TWIST2: variants seen among roughly 807,000 people sequenced by gnomAD.
The protein encoded by TWIST2 is twist family bHLH transcription factor 2, also known as twist-related protein 2.
TWIST2 carries 1 observed loss-of-function variant against 11.6 expected under a neutral mutation model. That is an observed-to-expected ratio of 0.09 (90% confidence interval 0.03 to 0.41). The LOEUF (loss-of-function observed/expected upper bound fraction) is 0.41. Among genes scored for constraint, TWIST2 ranks in the 10% least tolerant of loss-of-function variants. TWIST2 has a pLI of 0.98. For synonymous variants in TWIST2, 87 were observed against 96.6 expected, an observed-to-expected ratio of 0.90 and a Z score of 0.58; for missense variants, 168 against 226.4, an observed-to-expected ratio of 0.74 and a Z score of 1.66.
intron 1 of TWIST2, among the ~76,000 whole-genome samples, chr2:238,903,566 T>C (rs1693307377): frequency 7.5e-6 from 1 of 133,878 alleles, no homozygotes; most frequent in African/African-American, 3.0e-5. Flanking sequence ...TGTGATGTAG[T>C]GTGTGTGATG....
chr2:238,884,528 C>T (rs539136504), intron 1 of TWIST2, among the ~76,000 whole-genome samples: 1 of 152,224 alleles, frequency 6.6e-6, no homozygotes, highest in South Asian at 2.1e-4. Context: ...TAGGCATGGT[C>T]TGATTCACGG....
chr2:238,902,041 G>A (rs1390668286), intron 1 of TWIST2, among the ~76,000 whole-genome samples: 1 of 152,172 alleles, frequency 6.6e-6, no homozygotes, highest in Non-Finnish European at 1.5e-5. Context: ...TCAGGGTAAT[G>A]AATGTCCTGG....
intron 1 of TWIST2, among the ~76,000 whole-genome samples, chr2:238,905,805 G>A (rs1284048444): frequency 3.9e-5 from 6 of 152,112 alleles, no homozygotes; most frequent in Admixed American, 3.9e-4. Context: ...CTTAAAAAAG[G>A]CTTAAATATT....
intron 1 of TWIST2, among the ~76,000 whole-genome samples, chr2:238,891,913 A>G (rs1693141199): frequency 6.6e-6 from 1 of 152,152 alleles, no homozygotes; most frequent in African/African-American, 2.4e-5. Flanking sequence ...AGATTGGGCT[A>G]TGTAGGACAA....
intron 1 of TWIST2, among the ~76,000 whole-genome samples, chr2:238,857,796 G>A (rs565268859): frequency 6.6e-6 from 1 of 152,012 alleles, no homozygotes; most frequent in South Asian, 2.1e-4. Flanking sequence ...AATTAGCCAC[G>A]TGTGGTGGCA....
intron 1 of TWIST2, among the ~76,000 whole-genome samples, chr2:238,870,004 A>C (rs902440389): frequency 1.3e-5 from 2 of 151,824 alleles, no homozygotes; most frequent in East Asian, 3.9e-4. Flanking sequence ...ATCATTGGGC[A>C]CTGCTGGTGG....
At chr2:238,896,885 A>G (rs1693213657) in intron 1 of TWIST2, among the ~76,000 whole-genome samples, 1 of 152,192 alleles carries the variant, frequency 6.6e-6, no homozygotes, top group Non-Finnish European at 1.5e-5. Context: ...GAGCCCACAG[A>G]CAGAGACAAG....
chr2:238,865,361 A>C (rs1046568222), intron 1 of TWIST2, among the ~76,000 whole-genome samples: 3 of 152,196 alleles, frequency 2.0e-5, no homozygotes, highest in Non-Finnish European at 4.4e-5. Flanking sequence ...GGACCTCCCC[A>C]TGCAGCAGGG....
At chr2:238,850,148 C>A (rs1249954873) in intron 1 of TWIST2, among the ~76,000 whole-genome samples, 1 of 152,138 alleles carries the variant, frequency 6.6e-6, no homozygotes, top group Non-Finnish European at 1.5e-5. Flanking sequence ...ACTGAAAATT[C>A]TGTAGCTGCA....
chr2:238,869,980 G>T (rs1482594157), intron 1 of TWIST2, among the ~76,000 whole-genome samples: 1 of 151,870 alleles, frequency 6.6e-6, no homozygotes, highest in Non-Finnish European at 1.5e-5. Context: ...TGGTGAGGAT[G>T]TGGAGAAATT....
chr2:238,863,974 C>G lies in TWIST2; in HGVS notation c.*35+15241C>G, dbSNP rs914155006. Among the ~76,000 whole-genome samples the G allele has an allele frequency of 1.5e-4, 23 of 152,130 alleles. No individual in the cohort carries two copies. The highest frequency in any genetic ancestry group is 5.6e-4 in the African/African-American group (23 of 41,414). ...GGAGGAAGCACCAGGCGGCACCTCCCCAGAGGCTGGAGACCAACCAGGCAC... is the reference window on the plus strand; with the variant it reads ...GGAGGAAGCACCAGGCGGCACCTCCGCAGAGGCTGGAGACCAACCAGGCAC... On this transcript the variant is annotated intron_variant, in intron 1 of 1. Transcript: ENST00000612363. This position sits in a 1 kb window ranked among gnomAD's most constrained non-coding sequence, Gnocchi z 4.7.
At chr2:238,907,875 C>G (rs1464365410) in intron 1 of TWIST2, among the ~76,000 whole-genome samples, 1 of 120,370 alleles carries the variant, frequency 8.3e-6, no homozygotes, top group South Asian at 3.1e-4. Context: ...CACATACACA[C>G]ACACCACACA....
intron 1 of TWIST2, among the ~76,000 whole-genome samples, chr2:238,851,486 G>A (rs562597281): frequency 6.6e-6 from 1 of 152,288 alleles, no homozygotes; most frequent in African/African-American, 2.4e-5. Context: ...CATTTGTCCT[G>A]TTCCCTGCTG....
intron 1 of TWIST2, among the ~76,000 whole-genome samples, chr2:238,857,542 G>A (rs1692353393): frequency 6.6e-6 from 1 of 152,038 alleles, no homozygotes; most frequent in Non-Finnish European, 1.5e-5. Flanking sequence ...AGAGGAAGCA[G>A]GACCAGCCCT....
intron 1 of TWIST2, among the ~76,000 whole-genome samples, chr2:238,888,104 T>G (rs1693073392): frequency 6.6e-6 from 1 of 152,244 alleles, no homozygotes. Context: ...GTTCCCAAGG[T>G]GTAACCATAG....
chr2:238,905,334 C>G (rs1574769579), intron 1 of TWIST2, among the ~76,000 whole-genome samples: 2 of 152,216 alleles, frequency 1.3e-5, no homozygotes. Context: ...TAACTGCACG[C>G]AGCACGCATG....
chr2:238,883,022 G>C (rs1692965635), intron 1 of TWIST2, among the ~76,000 whole-genome samples: 1 of 152,184 alleles, frequency 6.6e-6, no homozygotes, highest in Non-Finnish European at 1.5e-5. Flanking sequence ...GTTTGGGGGT[G>C]AGATGGACAT....
At chr2:238,905,591 C>G (rs1280339140) in intron 1 of TWIST2, among the ~76,000 whole-genome samples, 5 of 152,166 alleles carry the variant, frequency 3.3e-5, no homozygotes, top group African/African-American at 1.2e-4. Context: ...GGAACGGCCC[C>G]TGTCATTTTT....
chr2:238,848,614 C>T lies in TWIST2; in HGVS notation c.399C>T (p.Cys133=), dbSNP rs1692178220. ...SDEMDNKMTS[C]SYVAHERLSY... is the part of the protein sequence containing the mutation. ...AGATGGACAATAAGATGACCAGCTG[C>T]AGCTACGTGGCCCACGAGCGCCTCA... Residue 133 remains cysteine, a synonymous_variant, in exon 1 of 2, where the codon TGC becomes TGT. Transcript: ENST00000612363. 18 of 1,551,530 alleles carry T rather than the reference C, an allele frequency of 1.2e-5. No individual in the cohort carries two copies. Among genetic ancestry groups the T allele is most frequent in the Non-Finnish European group, 1.6e-5 (18 of 1,154,560 alleles).
Sources: allele counts gnomAD v4.1 joint callset (sites outside exome capture counted in the v4.1 genomes callset), GRCh38; gene constraint gnomAD v4.1.1; non-coding constraint Gnocchi (gnomAD v3.1); transcripts MANE v1.5; gene names NCBI Gene and HGNC (gene_info 2026-07-23, HGNC 2026-07-21).